SORCS1: variants seen among roughly 807,000 people sequenced by gnomAD.
The protein encoded by SORCS1 is VPS10 domain-containing receptor SorCS1.
SORCS1 carries 60 observed loss-of-function variants against 146.1 expected under a neutral mutation model. The observed-to-expected ratio is 0.41, with a 90% CI of 0.33 to 0.51. SORCS1 has a LOEUF of 0.51. Among genes scored for constraint, SORCS1 ranks in the 20% least tolerant of loss-of-function variants. The pLI is 0.21. For synonymous variants in SORCS1, 637 were observed against 584.0 expected (o/e 1.09, Z -1.31); for missense variants, 1,352 against 1,487.6 (o/e 0.91, Z 1.50).
chr10:106,790,082 A>G (rs1241132146), intron 3 of SORCS1, among the ~76,000 whole-genome samples: 2 of 152,232 alleles, frequency 1.3e-5, no homozygotes, highest in African/African-American at 4.8e-5. Context: ...ACACCTAAGG[A>G]TAACAATTCA....
At chr10:107,133,394 C>T (rs1967015557) in intron 1 of SORCS1, among the ~76,000 whole-genome samples, 1 of 152,022 alleles carries the variant, frequency 6.6e-6, no homozygotes, top group South Asian at 2.1e-4. Context: ...ACTTCCCTTA[C>T]TTAGATAAGG....
rs946126701 is a variant in SORCS1, at chr10:106,794,755, G to A, written c.727-18063C>T. Among the ~76,000 whole-genome samples, 4 of 151,930 alleles carry A rather than the reference G, an allele frequency of 2.6e-5. No homozygotes were observed. The East Asian group carries it at 5.8e-4, about 22-fold the overall frequency. On this transcript the variant is annotated intron_variant, in intron 3 of 25. Transcript: ENST00000263054. ...CCTGACCTCATGATCCGCCCACCTC[G>A]GCCTCCCAAAGTGCTGGGATTACAG...
chr10:106,766,408 A>G (rs1048695213), intron 4 of SORCS1, among the ~76,000 whole-genome samples: 1 of 152,180 alleles, frequency 6.6e-6, no homozygotes, highest in African/African-American at 2.4e-5. Context: ...AGGACTTCAT[A>G]TAAATTCCTA....
chr10:107,123,161 T>C (rs1166232521), intron 1 of SORCS1, among the ~76,000 whole-genome samples: 4 of 150,356 alleles, frequency 2.7e-5, no homozygotes, highest in African/African-American at 9.8e-5. Context: ...CCAAAGCAGC[T>C]CCCAACTTAC....
intron 1 of SORCS1, among the ~76,000 whole-genome samples, chr10:107,124,332 G>A (rs995401411): frequency 1.3e-5 from 2 of 152,144 alleles, no homozygotes; most frequent in African/African-American, 4.8e-5. Context: ...ATTGAGACAA[G>A]ACCATCTGAA....
intron 1 of SORCS1, among the ~76,000 whole-genome samples, chr10:106,975,140 A>C (rs7912770): frequency 0.077 from 11,747 of 152,228 alleles, 1,257 homozygotes; most frequent in African/African-American, 0.24. Context: ...TCTAATTTCC[A>C]TCTGATTTAA....
At chr10:106,776,496 C>T (rs777838486) in intron 4 of SORCS1, 38 bp downstream of exon 4, 97 of 1,608,840 alleles carry the variant, frequency 6.0e-5, no homozygotes, top group Non-Finnish European at 7.6e-5. Context: ...CCCCGGAGAA[C>T]CATGCTTCAT....
the SORCS1 span, among the ~76,000 whole-genome samples, chr10:107,170,623 TCTCA>T: frequency 6.6e-6 from 1 of 152,190 alleles, no homozygotes; most frequent in Non-Finnish European, 1.5e-5. Flanking sequence ...CTTTGGGACC[TCTCA>T]CTCAGAGCAA....
intron 1 of SORCS1, among the ~76,000 whole-genome samples, chr10:107,108,007 G>T (rs1181029916): frequency 6.6e-6 from 1 of 152,164 alleles, no homozygotes; most frequent in Admixed American, 6.5e-5. Context: ...ATCCACGAAC[G>T]CAGAGGGAGA....
At chr10:106,885,134 G>T (rs1165911728) in intron 2 of SORCS1, among the ~76,000 whole-genome samples, 1 of 152,136 alleles carries the variant, frequency 6.6e-6, no homozygotes, top group Non-Finnish European at 1.5e-5. Context: ...AAACAAGAAG[G>T]ATATTGTAAA....
chr10:106,989,835 C>T (rs901922008), intron 1 of SORCS1, among the ~76,000 whole-genome samples: 11 of 151,594 alleles, frequency 7.3e-5, no homozygotes, highest in Admixed American at 1.3e-4. Context: ...TACAGGCGCC[C>T]GCCACCACGC....
At chr10:107,115,635 C>T (rs547553660) in intron 1 of SORCS1, among the ~76,000 whole-genome samples, 207 of 152,010 alleles carry the variant, frequency 1.4e-3, no homozygotes, top group African/African-American at 4.6e-3. Flanking sequence ...GATCTGAAAC[C>T]GTAAAACTCA....
At chr10:106,763,936 G>A (rs1002832026) in intron 4 of SORCS1, among the ~76,000 whole-genome samples, 3 of 152,104 alleles carry the variant, frequency 2.0e-5, no homozygotes, top group Non-Finnish European at 4.4e-5. Flanking sequence ...CTACGTGTAC[G>A]GGTGCCTCAA....
chr10:106,997,633 A>T (rs1957052268), intron 1 of SORCS1, among the ~76,000 whole-genome samples: 1 of 152,214 alleles, frequency 6.6e-6, no homozygotes, highest in Admixed American at 6.5e-5. Context: ...TCAAAGTAGC[A>T]TCAGAAATGA....
intron 1 of SORCS1, among the ~76,000 whole-genome samples, chr10:107,011,916 T>A (rs1957711403): frequency 6.6e-6 from 1 of 152,212 alleles, no homozygotes; most frequent in Non-Finnish European, 1.5e-5. Context: ...TATCACAATT[T>A]TATATTTGTA....
intron 3 of SORCS1, among the ~76,000 whole-genome samples, chr10:106,784,029 A>T (rs1004636644): frequency 2.0e-5 from 3 of 152,180 alleles, no homozygotes; most frequent in African/African-American, 4.8e-5. Flanking sequence ...TGCTATTATT[A>T]ATATCATATG....
chr10:107,168,781 C>T (rs1434807343), upstream of SORCS1, among the ~76,000 whole-genome samples: 1 of 148,950 alleles, frequency 6.7e-6, no homozygotes, highest in Non-Finnish European at 1.5e-5. Context: ...TGCAAAGAGA[C>T]AAGGTTTCTA....
chr10:107,052,651 G>A (rs1367602555), intron 1 of SORCS1, among the ~76,000 whole-genome samples: 2 of 152,072 alleles, frequency 1.3e-5, no homozygotes, highest in Non-Finnish European at 2.9e-5. Flanking sequence ...TCAGAACAAC[G>A]ACATTACAGA....
chr10:106,824,318 G>A (rs553258780), intron 3 of SORCS1, among the ~76,000 whole-genome samples: 2 of 148,770 alleles, frequency 1.3e-5, no homozygotes, highest in East Asian at 4.0e-4. Flanking sequence ...AAGGCTGGGT[G>A]TGGTGGCCCA....
Sources: allele counts gnomAD v4.1 joint callset (sites outside exome capture counted in the v4.1 genomes callset), GRCh38; gene constraint gnomAD v4.1.1; transcripts MANE v1.5; gene names NCBI Gene and HGNC (gene_info 2026-07-23, HGNC 2026-07-21).